The following GOLPH3L variants were observed in gnomAD, a reference collection of about 807,000 sequenced individuals.
GOLPH3L encodes the protein Golgi phosphoprotein 3-like.
Under a neutral mutation model 30.3 loss-of-function variants are expected in GOLPH3L, and 22 were observed. That is an observed-to-expected ratio of 0.73 (90% CI 0.52 to 1.04). GOLPH3L has a LOEUF of 1.04. GOLPH3L is among the 50% of genes least tolerant of loss of function. GOLPH3L has a pLI of 0.00. For missense variants in GOLPH3L, 303 were observed against 345.8 expected, an observed-to-expected ratio of 0.88 and a Z score of 0.98; for synonymous variants, 120 against 128.2, an observed-to-expected ratio of 0.94 and a Z score of 0.43.
At position 150,671,722 on chromosome 1, in the gene GOLPH3L, C is replaced by G. The variant is rs1003777465; in HGVS notation, c.184-7959G>C. The stretch of plus-strand genomic sequence containing the variant: ...CGGGAGGCTGAGACAAGGAGAATCG[C>G]TTGAACCTGGGAGGCGGAGGTTGCA... On this transcript the variant is annotated intron_variant, in intron 2 of 4. Transcript: ENST00000271732. 5.6e-5 allele frequency among the ~76,000 whole-genome samples: 8 copies of G among 143,164 alleles called. No individual in the cohort carries two copies. The East Asian group carries it at 1.8e-3, about 31-fold the overall frequency. The allele number at this position is 143,164 out of a possible 152,430, so 93.9% of individuals were successfully genotyped here.
chr1:150,682,861 GACA>G (rs939207455), intron 2 of GOLPH3L, among the ~76,000 whole-genome samples: 16 of 151,836 alleles, frequency 1.1e-4, no homozygotes, highest in African/African-American at 3.4e-4. Context: ...AAACTTCTTG[GACA>G]ACTGTGAATA....
intron 2 of GOLPH3L, among the ~76,000 whole-genome samples, chr1:150,687,352 C>T (rs746290777): frequency 1.3e-5 from 2 of 151,680 alleles, no homozygotes; most frequent in South Asian, 2.1e-4. Context: ...TCGAGGCAGG[C>T]GGATCACCTG....
At chr1:150,657,170 C>T (rs1190795256) in intron 4 of GOLPH3L, among the ~76,000 whole-genome samples, 6 of 152,120 alleles carry the variant, frequency 3.9e-5, no homozygotes, top group Non-Finnish European at 8.8e-5. Flanking sequence ...CTTTATTTAC[C>T]CAGTTAGAAA....
intron 4 of GOLPH3L, among the ~76,000 whole-genome samples, chr1:150,657,071 T>C (rs1388695207): frequency 6.6e-6 from 1 of 152,230 alleles, no homozygotes; most frequent in Non-Finnish European, 1.5e-5. Flanking sequence ...TGCCTATTTA[T>C]GTGATTTCTG....
chr1:150,648,716 G>A lies in GOLPH3L; in HGVS notation c.463C>T (p.Gln155Ter). Residue 155 changes from glutamine to a stop codon, truncating the protein, a stop_gained, in exon 5 of 5, where the codon CAG becomes TAG. Transcript: ENST00000271732. LOFTEE classifies it high-confidence loss of function. ...ATGCGCTCTCGTACATTTCTCAGCT[G>A]GTACTGTAATTTGAAGGGGTTCCAG... is the stretch of plus-strand genomic sequence containing the variant. ...ETWNPFKLQY[Q>*]LRNVRERIAK... 1 of 1,611,778 alleles carries A rather than the reference G, an allele frequency of 6.2e-7. No homozygotes were observed. The highest frequency in any genetic ancestry group is 8.5e-7 in the Non-Finnish European group (1 of 1,178,084).
chr1:150,670,088 C>A (rs895108276), intron 2 of GOLPH3L, among the ~76,000 whole-genome samples: 1 of 151,834 alleles, frequency 6.6e-6, no homozygotes, highest in African/African-American at 2.4e-5. Flanking sequence ...TGGTGAAACC[C>A]CGTTTCTACT....
At chr1:150,653,227 G>A (rs1650165027) in intron 4 of GOLPH3L, among the ~76,000 whole-genome samples, 1 of 149,908 alleles carries the variant, frequency 6.7e-6, no homozygotes, top group African/African-American at 2.4e-5. Flanking sequence ...ACAAAAAGAG[G>A]GAGAGGGAAT....
Position 150,669,242 on chromosome 1 carries a change from T to C in GOLPH3L, c.184-5479A>G, listed in dbSNP as rs191160260. On this transcript the variant is annotated intron_variant, in intron 2 of 4. Coordinates refer to ENST00000271732, the MANE Select transcript of GOLPH3L (RefSeq NM_018178.6). Reference sequence around the variant, plus strand: ...ATAACTGAGAAAAGAGAGAACATGATAGTAAATGTTCCCCTGTACTGTGGG... The same window carrying C: ...ATAACTGAGAAAAGAGAGAACATGACAGTAAATGTTCCCCTGTACTGTGGG... Among the ~76,000 whole-genome samples the C allele has an allele frequency of 1.1e-4, 17 of 152,204 alleles. No individual in the cohort carries two copies. In the East Asian group the frequency reaches 2.7e-3, roughly 24 times the overall value.
At chr1:150,673,840 G>A (rs1276903921) in intron 2 of GOLPH3L, among the ~76,000 whole-genome samples, 2 of 148,928 alleles carry the variant, frequency 1.3e-5, no homozygotes, top group Non-Finnish European at 3.0e-5. Flanking sequence ...CAGGAGAATT[G>A]CTTGAACCCG....
chr1:150,648,849 T>C (rs1650042397), intron 4 of GOLPH3L, 101 bp from the exon 5 acceptor site: 5 of 714,868 alleles, frequency 7.0e-6, no homozygotes, highest in East Asian at 5.0e-5. Context: ...TTTAAAAGCA[T>C]AATCTTCATT....
Position 150,673,104 on chromosome 1 carries a change from C to T in GOLPH3L, c.184-9341G>A, listed in dbSNP as rs939690868. Among the ~76,000 whole-genome samples the T allele has an allele frequency of 2.6e-5, 4 of 152,022 alleles. 1 individual carries two copies. The highest frequency in any genetic ancestry group is 6.6e-5 in the Admixed American group (1 of 15,260). On this transcript the variant is annotated intron_variant, in intron 2 of 4. Coordinates refer to ENST00000271732, the MANE Select transcript of GOLPH3L (RefSeq NM_018178.6). ...GAAAGCAACTGGTCATCTTTGAATTCCCATATAAGCTTTAAATCTCATTCT... is the reference window on the plus strand; with the variant it reads ...GAAAGCAACTGGTCATCTTTGAATTTCCATATAAGCTTTAAATCTCATTCT...
Position 150,667,024 on chromosome 1 carries a change from G to A in GOLPH3L, c.184-3261C>T, listed in dbSNP as rs976885566. Among the ~76,000 whole-genome samples, 12 of 152,234 alleles carry A rather than the reference G, an allele frequency of 7.9e-5. 2 individuals are homozygous for A. The South Asian group carries it at 1.7e-3, about 21-fold the overall frequency. ...TCAGAGGGAAAGATCTGTTTCTGCC[G>A]AGAGCCAAGTACAGAGGGATTGTGG... is the stretch of plus-strand genomic sequence containing the variant. On this transcript the variant is annotated intron_variant, in intron 2 of 4. Transcript: ENST00000271732.
chr1:150,649,806 T>TGG lies in GOLPH3L; in HGVS notation c.431-1059_431-1058insCC, dbSNP rs1557778716. Among the ~76,000 whole-genome samples the TGG allele has an allele frequency of 2.0e-5, 3 of 151,900 alleles. No individual in the cohort carries two copies. In the South Asian group the frequency reaches 6.2e-4, roughly 31 times the overall value. On this transcript the variant is annotated intron_variant, in intron 4 of 4. Transcript: ENST00000271732. ...TGGCTGAACAATAAGCTACCCTAAC[T>TGG]CAGAGGCAACTCCTAGAAAGCTAAG...
intron 4 of GOLPH3L, 36 bp downstream of exon 4, chr1:150,661,778 A>G: frequency 1.1e-6 from 1 of 912,158 alleles, no homozygotes; most frequent in Non-Finnish European, 1.9e-6. Flanking sequence ...AAGATAACAA[A>G]GTGTGAAATT....
intron 4 of GOLPH3L, 102 bp downstream of exon 4, chr1:150,661,712 T>A: frequency 1.4e-6 from 1 of 701,376 alleles, no homozygotes; most frequent in Admixed American, 2.0e-5. Context: ...ACCACATCTA[T>A]CTCATCCAGC....
chr1:150,663,329 T>A (rs1341595161), intron 3 of GOLPH3L, among the ~76,000 whole-genome samples: 1 of 152,068 alleles, frequency 6.6e-6, no homozygotes, highest in Non-Finnish European at 1.5e-5. Flanking sequence ...CGTGAGCCAC[T>A]GTGCCCGGCT....
Position 150,695,432 on chromosome 1 carries a change from C to T in GOLPH3L, c.-12-582G>A, listed in dbSNP as rs138283502. On this transcript the variant is annotated intron_variant, in intron 1 of 4. Coordinates refer to ENST00000271732, the MANE Select transcript of GOLPH3L (RefSeq NM_018178.6). ...GATTACAGGCATGAGCCACCAGGCC[C>T]GGCCAAACCTGCTGATTTTTTCTGC... Among the ~76,000 whole-genome samples the T allele has an allele frequency of 5.3e-3, 801 of 151,996 alleles. 5 individuals carry two copies. The highest frequency in any genetic ancestry group is 0.018 in the African/African-American group (748 of 41,442).
At chr1:150,691,065 A>AAGTTG (rs1269323703) in intron 2 of GOLPH3L, among the ~76,000 whole-genome samples, 28 of 151,354 alleles carry the variant, frequency 1.8e-4, no homozygotes, top group Admixed American at 1.1e-3. Context: ...AGGCCAAGGC[A>AAGTTG]GGTGGATCAC....
At chr1:150,660,707 A>G (rs1650349417) in intron 4 of GOLPH3L, among the ~76,000 whole-genome samples, 1 of 152,210 alleles carries the variant, frequency 6.6e-6, no homozygotes, top group South Asian at 2.1e-4. Context: ...GTATGATTCT[A>G]CTTATATGAG....
Sources: gnomAD v4.1 joint callset for allele counts (sites outside exome capture counted in the v4.1 genomes callset) on GRCh38, gnomAD v4.1.1 for gene constraint, MANE v1.5 for transcripts, NCBI Gene and HGNC (gene_info 2026-07-23, HGNC 2026-07-21) for gene names.